Variants in ALS2 observed in about 807,000 individuals in gnomAD.
ALS2 encodes alsin Rho guanine nucleotide exchange factor ALS2, also known as alsin.
ALS2 carries 117 observed loss-of-function variants against 203.4 expected under a neutral mutation model. That is an observed-to-expected ratio of 0.58 (90% CI 0.50 to 0.67). The LOEUF (loss-of-function observed/expected upper bound fraction) is 0.67. ALS2 is among the 30% of genes least tolerant of loss of function. The pLI, the probability that ALS2 is intolerant of heterozygous loss-of-function variation, is 0.00. For missense variants in ALS2, 1,715 were observed against 1,989.4 expected, an observed-to-expected ratio of 0.86 and a Z score of 2.62; for synonymous variants, 718 against 725.9, an observed-to-expected ratio of 0.99 and a Z score of 0.17.
Position 201,726,821 on chromosome 2 carries a change from T to G in ALS2, c.3025A>C (p.Arg1009=). The G allele has an allele frequency of 6.2e-7, 1 of 1,614,178 alleles. No individual in the cohort carries two copies. Residue 1009 remains arginine, a synonymous_variant, in exon 18 of 34, where the codon AGA becomes CGA. Coordinates refer to ENST00000264276, the MANE Select transcript of ALS2 (RefSeq NM_020919.4). ...TAAGGGGGGAGATCAGACATCCCTC[T>G]CAAAGCCTGATCTACGGCTTGGCTT... ...AISQAVDQAL[R]GMSDLPPYGS... is the part of the protein sequence containing the mutation.
At chr2:201,764,073 ATAAG>A (rs1050662339) in intron 3 of ALS2, among the ~76,000 whole-genome samples, 1 of 152,230 alleles carries the variant, frequency 6.6e-6, no homozygotes, top group African/African-American at 2.4e-5. Context: ...CATCATCTAT[ATAAG>A]TAAGGACTCA....
At chr2:201,754,055 G>A (rs1328978832) in intron 6 of ALS2, among the ~76,000 whole-genome samples, 1 of 150,178 alleles carries the variant, frequency 6.7e-6, no homozygotes, top group Non-Finnish European at 1.5e-5. Context: ...CTTTTGCCCA[G>A]GCTGAAGTGA....
In ALS2 at chr2:201,757,562, G is replaced by A. The variant is rs1411787836; in HGVS notation, c.1311C>T (p.Gly437=). The A allele has an allele frequency of 6.2e-7, 1 of 1,613,946 alleles. No individual in the cohort carries two copies. Among genetic ancestry groups the A allele is most frequent in the African/African-American group, 1.3e-5 (1 of 74,878 alleles). The change falls in exon 5 of 34, where the codon GGC becomes GGT. Residue 437 remains glycine, a synonymous_variant. Transcript: ENST00000264276. ...TTPCETGAQA[G]SSAIGPEGLK... ...AACCTTCGGGGCCAATGGCACTACTGCCTGCCTGAGCTCCAGTTTCACAAG... is the reference window on the plus strand; with the variant it reads ...AACCTTCGGGGCCAATGGCACTACTACCTGCCTGAGCTCCAGTTTCACAAG...
intron 12 of ALS2, 88 bp from the exon 13 acceptor site, chr2:201,733,526 C>T: frequency 8.6e-7 from 1 of 1,164,636 alleles, no homozygotes; most frequent in South Asian, 1.3e-5. Context: ...GAAAGTACCT[C>T]TTTCAGAATG....
chr2:201,769,031 G>T, intron 1 of ALS2, 86 bp from the exon 2 acceptor site: 1 of 627,622 alleles, frequency 1.6e-6, no homozygotes. Flanking sequence ...CCTCTAACAA[G>T]TGCACATTCA....
chr2:201,769,603 T>C (rs1694279484), intron 1 of ALS2, among the ~76,000 whole-genome samples: 1 of 152,220 alleles, frequency 6.6e-6, no homozygotes, highest in African/African-American at 2.4e-5. Flanking sequence ...ATGAAAATTA[T>C]AGTTACAAAT....
At chr2:201,742,370 T>C (rs913997698) in intron 10 of ALS2, among the ~76,000 whole-genome samples, 6 of 152,182 alleles carry the variant, frequency 3.9e-5, no homozygotes, top group Admixed American at 6.5e-5. Context: ...AATCCAAACA[T>C]TGGACCACTG....
rs764925739 is a variant in ALS2 at position 201,709,967 on chromosome 2, G to A, written c.4194C>T (p.Tyr1398=). Residue 1398 remains tyrosine, a synonymous_variant, in exon 27 of 34, where the codon TAC becomes TAT. Coordinates refer to ENST00000264276, the MANE Select transcript of ALS2 (RefSeq NM_020919.4). ...ETLVAVYRMT[Y]VGVGANRRLL... ...ACCTGCGGTTGGCTCCTACGCCCACGTATGTCATTCTATACACTGCAACCA... is the reference window on the plus strand; with the variant it reads ...ACCTGCGGTTGGCTCCTACGCCCACATATGTCATTCTATACACTGCAACCA... The A allele has an allele frequency of 4.2e-5, 67 of 1,613,938 alleles. 1 individual carries two copies. The Middle Eastern group carries it at 1.3e-3, about 32-fold the overall frequency.
intron 1 of ALS2, among the ~76,000 whole-genome samples, chr2:201,769,453 C>T (rs1218267770): frequency 6.6e-6 from 1 of 152,102 alleles, no homozygotes; most frequent in Non-Finnish European, 1.5e-5. Flanking sequence ...GGAAGTTTTC[C>T]ACTTATTGGA....
chr2:201,700,845 A>G lies in ALS2; in HGVS notation c.*1006T>C, dbSNP rs888874755. 1.3e-5 allele frequency: 2 copies of G among 152,432 alleles called. No homozygotes were observed. Among genetic ancestry groups the G allele is most frequent in the African/African-American group, 4.8e-5 (2 of 41,462 alleles). 9.4% of individuals were successfully genotyped at this position (152,432 alleles called of 1,614,324 possible). ...CAATAGGGCATTTTTTAAAAAGCAA[A>G]ACACTGAAATGTTGAGGTGCCACAA... On this transcript the variant is annotated 3_prime_UTR_variant, in exon 34 of 34. Coordinates refer to ENST00000264276, the MANE Select transcript of ALS2 (RefSeq NM_020919.4).
intron 1 of ALS2, among the ~76,000 whole-genome samples, chr2:201,772,454 C>T (rs966303657): frequency 2.6e-5 from 4 of 152,200 alleles, no homozygotes; most frequent in African/African-American, 9.7e-5. Flanking sequence ...ACTCATCTGA[C>T]AGCAAAATCT....
intron 12 of ALS2, among the ~76,000 whole-genome samples, chr2:201,736,373 A>C (rs552300249): frequency 1.1e-3 from 170 of 152,300 alleles, no homozygotes; most frequent in Non-Finnish European, 1.2e-3. Flanking sequence ...ATAATTCATA[A>C]TGGATTAGAA....
chr2:201,778,352 T>C (rs1239122062), intron 1 of ALS2: 2 of 152,182 alleles, frequency 1.3e-5, no homozygotes, highest in African/African-American at 2.4e-5. Flanking sequence ...CTCATAGGTA[T>C]TGAGAAAACT....
At chr2:201,777,862 T>C (rs1165406000) in intron 1 of ALS2, among the ~76,000 whole-genome samples, 1 of 152,182 alleles carries the variant, frequency 6.6e-6, no homozygotes, top group African/African-American at 2.4e-5. Flanking sequence ...GAGATGTATA[T>C]ATGTTGGTAA....
At chr2:201,752,646 CTT>C (rs1349338853) in intron 7 of ALS2, among the ~76,000 whole-genome samples, 1 of 152,010 alleles carries the variant, frequency 6.6e-6, no homozygotes, top group African/African-American at 2.4e-5. Context: ...TTAATATTAA[CTT>C]ATTGCAGATG....
chr2:201,706,045 C>T (rs1232737725), intron 29 of ALS2, among the ~76,000 whole-genome samples: 1 of 151,822 alleles, frequency 6.6e-6, no homozygotes, highest in Non-Finnish European at 1.5e-5. Context: ...AGAAAGAAAA[C>T]ATAATAATTT....
chr2:201,751,324 G>A (rs1162521265), intron 7 of ALS2, among the ~76,000 whole-genome samples: 4 of 152,028 alleles, frequency 2.6e-5, no homozygotes, highest in East Asian at 3.9e-4. Context: ...TGCACTGCAC[G>A]CACATTTTCT....
chr2:201,758,286 G>C (rs954857766), intron 4 of ALS2, among the ~76,000 whole-genome samples: 1 of 152,098 alleles, frequency 6.6e-6, no homozygotes, highest in Non-Finnish European at 1.5e-5. Context: ...ATAGCATATG[G>C]AGATGGAAAA....
chr2:201,701,937 A>G, intron 33 of ALS2, 48 bp from the exon 34 acceptor site: 1 of 1,576,208 alleles, frequency 6.3e-7, no homozygotes, highest in Non-Finnish European at 8.7e-7. Context: ...TAAAGAAATT[A>G]CATAAAGAGA....
Sources: allele counts gnomAD v4.1 joint callset (sites outside exome capture counted in the v4.1 genomes callset), GRCh38; gene constraint gnomAD v4.1.1; transcripts MANE v1.5; gene names NCBI Gene and HGNC (gene_info 2026-07-23, HGNC 2026-07-21).